The following MAP2K4 variants were observed in gnomAD, a reference collection of about 807,000 sequenced individuals.
MAP2K4 encodes mitogen-activated protein kinase kinase 4.
Under a neutral mutation model 48.5 loss-of-function variants are expected in MAP2K4, and 4 were observed. The observed-to-expected ratio is 0.08, with a 90% CI of 0.04 to 0.19. The LOEUF (loss-of-function observed/expected upper bound fraction) is 0.19. Ranked by LOEUF, MAP2K4 falls within the 10% of genes least tolerant of loss-of-function variation. The pLI, the probability that MAP2K4 is intolerant of heterozygous loss-of-function variation, is 1.00. For missense variants in MAP2K4, 258 were observed against 493.3 expected, an observed-to-expected ratio of 0.52 and a Z score of 4.52; for synonymous variants, 166 against 173.1, an observed-to-expected ratio of 0.96 and a Z score of 0.32.
At chr17:12,134,261 CAG>C (rs1229721075) in intron 9 of MAP2K4, among the ~76,000 whole-genome samples, 2 of 152,188 alleles carry the variant, frequency 1.3e-5, no homozygotes, top group East Asian at 3.9e-4. Context: ...AAATCACTAA[CAG>C]ATGAAAACTT....
intron 8 of MAP2K4, 111 bp from the exon 9 acceptor site, chr17:12,129,028 C>G (rs1463528383): frequency 9.4e-6 from 9 of 961,218 alleles, no homozygotes; most frequent in African/African-American, 1.6e-5. Context: ...GTGTTTAATT[C>G]AAGGCTTTAC....
chr17:12,101,522 C>T (rs1402700160), intron 4 of MAP2K4, among the ~76,000 whole-genome samples: 1 of 151,800 alleles, frequency 6.6e-6, no homozygotes, highest in Admixed American at 6.6e-5. Flanking sequence ...ATCCACTTGT[C>T]GATTTCTACC....
intron 8 of MAP2K4, among the ~76,000 whole-genome samples, chr17:12,127,554 A>T (rs1972891937): frequency 6.6e-6 from 1 of 152,200 alleles, no homozygotes; most frequent in South Asian, 2.1e-4. Context: ...GGTATTCTGT[A>T]CTTACAGTTG....
At chr17:12,044,592 C>A (rs1361195113) in intron 1 of MAP2K4, among the ~76,000 whole-genome samples, 1 of 152,226 alleles carries the variant, frequency 6.6e-6, no homozygotes, top group African/African-American at 2.4e-5. Context: ...CAACAATCAA[C>A]ATAGAAGACT....
chr17:12,029,166 G>T (rs890976313), intron 1 of MAP2K4, among the ~76,000 whole-genome samples: 1 of 152,098 alleles, frequency 6.6e-6, no homozygotes, highest in Non-Finnish European at 1.5e-5. Context: ...TAAAATTGAG[G>T]TAAGAGGGTG....
intron 7 of MAP2K4, among the ~76,000 whole-genome samples, chr17:12,117,620 A>AT (rs1049890921): frequency 6.6e-6 from 1 of 151,680 alleles, no homozygotes; most frequent in African/African-American, 2.4e-5. Flanking sequence ...TTTTTTGCTC[A>AT]TTTTTTGCTC....
chr17:12,143,300 C>T lies in MAP2K4; in HGVS notation c.*2040C>T, dbSNP rs573591463. 34 of 232,498 alleles carry T rather than the reference C, an allele frequency of 1.5e-4. No individual in the cohort carries two copies. Among genetic ancestry groups the T allele is most frequent in the Non-Finnish European group, 2.6e-4 (31 of 117,418 alleles). 14.4% of individuals were successfully genotyped at this position (232,498 alleles called of 1,614,324 possible). A position where few individuals can be genotyped will look rare whatever the true frequency, so the allele number is the denominator to read the frequency against. Reference sequence around the variant, plus strand: ...CTGACTGTCCAGGAGCTAATCTGACCGTTCTATTGTGTGGATGACCACATA... The same window carrying T: ...CTGACTGTCCAGGAGCTAATCTGACTGTTCTATTGTGTGGATGACCACATA... On this transcript the variant is annotated 3_prime_UTR_variant, in exon 11 of 11. Transcript: ENST00000353533.
intron 7 of MAP2K4, among the ~76,000 whole-genome samples, chr17:12,117,956 GA>G (rs1468424250): frequency 6.6e-6 from 1 of 152,154 alleles, no homozygotes; most frequent in Non-Finnish European, 1.5e-5. Context: ...TAAAAGAGTG[GA>G]TCTGTCAGAC....
rs76645114 is a variant in MAP2K4, at chr17:12,040,262, C to T, written c.116-14627C>T. On this transcript the variant is annotated intron_variant, in intron 1 of 10. Transcript: ENST00000353533. ...TGGGCTTTGCAGATAGTAGTTGTAT[C>T]CAGCCAAAAAAAGACAAAATTTGTG... Among the ~76,000 whole-genome samples, 1,086 of 150,708 alleles carry T rather than the reference C, an allele frequency of 7.2e-3. 7 individuals carry two copies. The highest frequency in any genetic ancestry group is 0.013 in the Non-Finnish European group (845 of 67,552).
intron 2 of MAP2K4, among the ~76,000 whole-genome samples, chr17:12,072,183 T>C (rs1970838973): frequency 6.6e-6 from 1 of 152,198 alleles, no homozygotes; most frequent in Non-Finnish European, 1.5e-5. Flanking sequence ...CAAATTAGGG[T>C]TCACTAAGAG....
chr17:12,055,055 G>C (rs970507610), intron 2 of MAP2K4, 64 bp downstream of exon 2: 1 of 1,022,636 alleles, frequency 9.8e-7, no homozygotes, highest in East Asian at 2.5e-5. Flanking sequence ...TGTATTTTAT[G>C]AATTTTTCCA....
intron 1 of MAP2K4, 61 bp downstream of exon 1, chr17:12,021,062 G>A: frequency 9.6e-7 from 1 of 1,038,000 alleles, no homozygotes. Context: ...CGTCGTCGCG[G>A]CCTGCCCCAG....
At chr17:12,069,628 A>G (rs2151537911) in intron 2 of MAP2K4, 1 of 845,906 alleles carries the variant, frequency 1.2e-6, no homozygotes. Flanking sequence ...TGGACATTTC[A>G]TTTTTCAGTT....
At chr17:12,061,871 A>G (rs767660769) in intron 2 of MAP2K4, among the ~76,000 whole-genome samples, 1 of 151,652 alleles carries the variant, frequency 6.6e-6, no homozygotes, top group African/African-American at 2.4e-5. Flanking sequence ...GAAATTTGCT[A>G]TATGAAGGTA....
At chr17:12,123,692 ACTT>A (rs1467047581) in intron 7 of MAP2K4, among the ~76,000 whole-genome samples, 1 of 151,880 alleles carries the variant, frequency 6.6e-6, no homozygotes, top group Non-Finnish European at 1.5e-5. Flanking sequence ...TCTGAGCACT[ACTT>A]CTATATCCCA....
intron 7 of MAP2K4, among the ~76,000 whole-genome samples, chr17:12,117,287 T>C (rs1349101878): frequency 6.6e-6 from 1 of 151,892 alleles, no homozygotes; most frequent in Non-Finnish European, 1.5e-5. Context: ...CCCGAAATGC[T>C]CCCAAATATG....
intron 2 of MAP2K4, among the ~76,000 whole-genome samples, chr17:12,059,893 C>T (rs1352960183): frequency 2.0e-5 from 3 of 152,080 alleles, no homozygotes; most frequent in Non-Finnish European, 4.4e-5. Flanking sequence ...GAATTAATGA[C>T]GAGGCCGGGC....
At chr17:12,037,220 TTA>T (rs1256247884) in intron 1 of MAP2K4, among the ~76,000 whole-genome samples, 1 of 151,720 alleles carries the variant, frequency 6.6e-6, no homozygotes, top group African/African-American at 2.4e-5. Context: ...GAGACTGATT[TTA>T]TAAGTATCCC....
chr17:12,058,297 TC>T (rs1465204923), intron 2 of MAP2K4, among the ~76,000 whole-genome samples: 1 of 151,684 alleles, frequency 6.6e-6, no homozygotes, highest in Non-Finnish European at 1.5e-5. Context: ...ACTCCTGGAT[TC>T]CAGGGATCCT....
Sources: gnomAD v4.1 joint callset for allele counts (sites outside exome capture counted in the v4.1 genomes callset) on GRCh38, gnomAD v4.1.1 for gene constraint, MANE v1.5 for transcripts, NCBI Gene and HGNC (gene_info 2026-07-23, HGNC 2026-07-21) for gene names.